RAB6B: variants seen among roughly 807,000 people sequenced by gnomAD.
RAB6B encodes the protein ras-related protein Rab-6B.
In RAB6B, 7 loss-of-function variants were observed where a neutral mutation model predicts 31.2. That is an observed-to-expected ratio of 0.22 (90% CI 0.13 to 0.42). The LOEUF is 0.42. Ranked by LOEUF, RAB6B falls within the 10% of genes least tolerant of loss-of-function variation. RAB6B has a pLI of 1.00. For missense variants in RAB6B, 149 were observed against 280.6 expected (o/e 0.53, Z 3.35); for synonymous variants, 105 against 104.9 (o/e 1.00, Z -0.01).
chr3:133,891,905 G>A (rs1373300400), intron 1 of RAB6B, among the ~76,000 whole-genome samples: 2 of 152,182 alleles, frequency 1.3e-5, no homozygotes, highest in South Asian at 2.1e-4. Context: ...GAGCTTTTGC[G>A]TCTCCATCCA....
intron 1 of RAB6B, among the ~76,000 whole-genome samples, chr3:133,865,071 T>C (rs994474707): frequency 5.9e-5 from 9 of 152,242 alleles, no homozygotes; most frequent in Non-Finnish European, 1.2e-4. Flanking sequence ...GCCCTTTATT[T>C]CCTGTTAATT....
intron 6 of RAB6B, among the ~76,000 whole-genome samples, chr3:133,836,249 G>A (rs919859920): frequency 3.9e-5 from 6 of 152,210 alleles, no homozygotes; most frequent in Admixed American, 3.9e-4. Context: ...GCCATTAGTA[G>A]GCAAGGGTAA....
At chr3:133,845,895 A>T (rs959768246) in intron 2 of RAB6B, among the ~76,000 whole-genome samples, 2 of 152,172 alleles carry the variant, frequency 1.3e-5, no homozygotes, top group African/African-American at 2.4e-5. Flanking sequence ...AATTAATACA[A>T]TGGGTGACTG....
intron 7 of RAB6B, among the ~76,000 whole-genome samples, chr3:133,832,890 G>A (rs1302394536): frequency 1.3e-5 from 2 of 152,184 alleles, no homozygotes; most frequent in East Asian, 1.9e-4. Context: ...ATACCAGGAC[G>A]ATGACGAGCT....
intron 1 of RAB6B, among the ~76,000 whole-genome samples, chr3:133,867,579 G>C (rs76177937): frequency 1.1e-3 from 175 of 152,328 alleles, no homozygotes; most frequent in African/African-American, 4.0e-3. Context: ...GATAGATCAT[G>C]CTGGGTTCAG....
chr3:133,847,324 A>C (rs1935920169), intron 2 of RAB6B, among the ~76,000 whole-genome samples: 1 of 152,250 alleles, frequency 6.6e-6, no homozygotes, highest in African/African-American at 2.4e-5. Context: ...AAAGTTGTCT[A>C]CATATGTCCA....
In RAB6B at chr3:133,828,039, C is replaced by T. The variant is rs1311409893; in HGVS notation, c.*749G>A. 2.9e-6 allele frequency: 2 copies of T among 701,532 alleles called. No homozygotes were observed. Among genetic ancestry groups the T allele is most frequent in the Non-Finnish European group, 2.6e-6 (1 of 384,346 alleles). The allele number at this position is 701,532 out of a possible 1,614,324, so 43.5% of individuals were successfully genotyped here. A position where few individuals can be genotyped will look rare whatever the true frequency, so the allele number is the denominator to read the frequency against. On this transcript the variant is annotated 3_prime_UTR_variant, in exon 8 of 8. Coordinates refer to ENST00000285208, the MANE Select transcript of RAB6B (RefSeq NM_016577.4). ...CCAGTCCCTGAGGGCACAGAGAACACAAGGTTGCCTGTACCCTCAACCCCC... is the reference window on the plus strand; with the variant it reads ...CCAGTCCCTGAGGGCACAGAGAACATAAGGTTGCCTGTACCCTCAACCCCC...
At position 133,828,423 on chromosome 3, in the gene RAB6B, G is replaced by A; in HGVS notation, c.*365C>T. ...GGTGTGTGGAAAAGGTTCTCTATAAGTTTACAAATATACAAAAACAAAAAG... is the reference window on the plus strand; with the variant it reads ...GGTGTGTGGAAAAGGTTCTCTATAAATTTACAAATATACAAAAACAAAAAG... On this transcript the variant is annotated 3_prime_UTR_variant, in exon 8 of 8. Transcript: ENST00000285208. 2.7e-6 allele frequency: 1 copy of A among 372,080 alleles called. No homozygotes were observed. The highest frequency in any genetic ancestry group is 3.0e-5 in the South Asian group (1 of 33,468). 23.0% of individuals were successfully genotyped at this position (372,080 alleles called of 1,614,324 possible). A position where few individuals can be genotyped will look rare whatever the true frequency, so the allele number is the denominator to read the frequency against.
rs1935791335 is a variant in RAB6B, at chr3:133,839,559, G to T, written c.348C>A (p.Gly116=). The T allele has an allele frequency of 4.3e-6, 7 of 1,614,220 alleles. No homozygotes were observed. Among genetic ancestry groups the T allele is most frequent in the East Asian group, 2.2e-5 (1 of 44,886 alleles). ...KWIDDVRTER[G]SDVIIMLVGN... is the part of the protein sequence containing the mutation. ...CCACCAGCATGATGATAACATCACT[G>T]CCCCTCTCTGTCCTGACGTCGTCGA... The change falls in exon 5 of 8, where the codon GGC becomes GGA. Residue 116 remains glycine (G), a synonymous_variant. Coordinates refer to ENST00000285208, the MANE Select transcript of RAB6B (RefSeq NM_016577.4).
chr3:133,852,636 A>T (rs1440408208), intron 2 of RAB6B, among the ~76,000 whole-genome samples: 1 of 151,656 alleles, frequency 6.6e-6, no homozygotes, highest in African/African-American at 2.4e-5. Flanking sequence ...ACGCCCAGCT[A>T]ATTAAAAAAA....
At chr3:133,850,283 T>A (rs894703425) in intron 2 of RAB6B, among the ~76,000 whole-genome samples, 3 of 152,144 alleles carry the variant, frequency 2.0e-5, no homozygotes, top group Non-Finnish European at 4.4e-5. Context: ...AATCCACAGT[T>A]TTAACATAAT....
intron 1 of RAB6B, among the ~76,000 whole-genome samples, chr3:133,887,280 G>A (rs1358712416): frequency 6.6e-6 from 1 of 152,176 alleles, no homozygotes; most frequent in African/African-American, 2.4e-5. Flanking sequence ...TTGTTGCTTG[G>A]CAACCAGAGC....
rs906685291 is a variant in RAB6B at position 133,826,489 on chromosome 3, G to A, written c.*2299C>T. ...CAGTGCAGATTCCTGTAAATGGGGC[G>A]GTCTCAGAGGCCACAGGTGATGGCC... On this transcript the variant is annotated 3_prime_UTR_variant, in exon 8 of 8. Coordinates refer to ENST00000285208, the MANE Select transcript of RAB6B (RefSeq NM_016577.4). 2 of 152,582 alleles carry A rather than the reference G, an allele frequency of 1.3e-5. No individual in the cohort carries two copies. The highest frequency in any genetic ancestry group is 3.9e-4 in the East Asian group (2 of 5,186). 9.5% of individuals were successfully genotyped at this position (152,582 alleles called of 1,614,324 possible).
At chr3:133,881,061 G>A (rs980106274) in intron 1 of RAB6B, among the ~76,000 whole-genome samples, 14 of 152,190 alleles carry the variant, frequency 9.2e-5, no homozygotes, top group Admixed American at 2.0e-4. Flanking sequence ...TCAGGCATTA[G>A]GGTCAACAAA....
chr3:133,850,575 TAGTC>T (rs1935969714), intron 2 of RAB6B, among the ~76,000 whole-genome samples: 2 of 150,722 alleles, frequency 1.3e-5, no homozygotes, highest in Admixed American at 6.6e-5. Flanking sequence ...AGAAATGAAA[TAGTC>T]AGTGAACTTG....
chr3:133,832,235 G>A (rs1015697468), intron 7 of RAB6B, among the ~76,000 whole-genome samples: 1 of 152,178 alleles, frequency 6.6e-6, no homozygotes, highest in South Asian at 2.1e-4. Flanking sequence ...TGTAGAACCA[G>A]TAAGGGGCTT....
At chr3:133,877,690 TGACA>T (rs1340698904) in intron 1 of RAB6B, among the ~76,000 whole-genome samples, 1 of 151,282 alleles carries the variant, frequency 6.6e-6, no homozygotes, top group Admixed American at 6.6e-5. Flanking sequence ...AACCCCAAAC[TGACA>T]GAGATGTTAT....
intron 6 of RAB6B, among the ~76,000 whole-genome samples, chr3:133,835,756 C>A (rs1209627038): frequency 6.6e-6 from 1 of 151,972 alleles, no homozygotes; most frequent in Non-Finnish European, 1.5e-5. Flanking sequence ...GGATGAGTGC[C>A]CTTATGAATG....
chr3:133,834,484 C>T (rs1299161792), intron 7 of RAB6B, 91 bp downstream of exon 7: 4 of 1,391,218 alleles, frequency 2.9e-6, no homozygotes, highest in African/African-American at 2.8e-5. Context: ...TGGGCGGGGA[C>T]TGGGCGAGTG....
Sources: allele counts gnomAD v4.1 joint callset (sites outside exome capture counted in the v4.1 genomes callset), GRCh38; gene constraint gnomAD v4.1.1; transcripts MANE v1.5; gene names NCBI Gene and HGNC (gene_info 2026-07-23, HGNC 2026-07-21).